Variants in REDIC1 observed in about 807,000 individuals in gnomAD.
REDIC1 encodes regulator of DNA class I crossover intermediates 1, also known as HEI10 Interacting Protein 1.
At chr12:39,683,043 A>G in the REDIC1 span, 2 of 1,613,412 alleles carry the variant, frequency 1.2e-6, no homozygotes, top group Non-Finnish European at 1.7e-6. Context: ...AATGTCAGCC[A>G]AACAAGAAGT....
At chr12:39,744,442 T>C in the REDIC1 span, among the ~76,000 whole-genome samples, 1 of 152,222 alleles carries the variant, frequency 6.6e-6, no homozygotes, top group Non-Finnish European at 1.5e-5. Context: ...TTATTCTTAA[T>C]TGATCTAACA....
chr12:39,724,740 C>A, the REDIC1 span, among the ~76,000 whole-genome samples: 1 of 151,902 alleles, frequency 6.6e-6, no homozygotes, highest in Non-Finnish European at 1.5e-5. Context: ...AATATGTGGG[C>A]AAAGTGGCAT....
chr12:39,901,008 T>A, the REDIC1 span, among the ~76,000 whole-genome samples: 5 of 152,144 alleles, frequency 3.3e-5, no homozygotes, highest in Middle Eastern at 0.01. Flanking sequence ...TCAATGGAAC[T>A]GAACAGAGCC....
the REDIC1 span, among the ~76,000 whole-genome samples, chr12:39,885,233 T>G: frequency 6.6e-6 from 1 of 152,112 alleles, no homozygotes; most frequent in African/African-American, 2.4e-5. Flanking sequence ...ACCCAAAGAT[T>G]GAGGAAAACA....
chr12:39,896,825 T>C, the REDIC1 span, among the ~76,000 whole-genome samples: 2 of 152,128 alleles, frequency 1.3e-5, no homozygotes, highest in Admixed American at 6.5e-5. Context: ...ATTCTGTCAA[T>C]AGTGTGACAA....
chr12:39,738,568 A>C, the REDIC1 span, among the ~76,000 whole-genome samples: 1 of 152,234 alleles, frequency 6.6e-6, no homozygotes, highest in Non-Finnish European at 1.5e-5. Context: ...CTCCTTCCAC[A>C]GAAGGTGGAG....
chr12:39,687,777 G>C, the REDIC1 span, among the ~76,000 whole-genome samples: 14 of 152,256 alleles, frequency 9.2e-5, 1 homozygote, highest in South Asian at 2.9e-3. Context: ...TATAAACACT[G>C]CTTATGTAAT....
the REDIC1 span, among the ~76,000 whole-genome samples, chr12:39,820,738 T>C: frequency 1.8e-4 from 1 of 5,522 alleles, no homozygotes; most frequent in Non-Finnish European, 3.0e-4. Flanking sequence ...TATATATATA[T>C]ATATATATAT....
chr12:39,678,458 CA>C, the REDIC1 span, among the ~76,000 whole-genome samples: 16 of 149,262 alleles, frequency 1.1e-4, no homozygotes, highest in East Asian at 5.9e-4. Context: ...AACTTGCCAA[CA>C]AAAAAAAAGT....
the REDIC1 span, among the ~76,000 whole-genome samples, chr12:39,697,484 G>A: frequency 6.6e-6 from 1 of 152,160 alleles, no homozygotes; most frequent in African/African-American, 2.4e-5. Flanking sequence ...GTAAATGTGT[G>A]TAAACTACTC....
At chr12:39,788,164 C>A in the REDIC1 span, among the ~76,000 whole-genome samples, 1 of 152,034 alleles carries the variant, frequency 6.6e-6, no homozygotes, top group Non-Finnish European at 1.5e-5. Context: ...GATCCTCATA[C>A]CTAGTACCAA....
the REDIC1 span, among the ~76,000 whole-genome samples, chr12:39,809,044 T>C: frequency 6.6e-6 from 1 of 152,184 alleles, no homozygotes; most frequent in African/African-American, 2.4e-5. Context: ...ATTTTAGCTT[T>C]TACTATTAGG....
the REDIC1 span, among the ~76,000 whole-genome samples, chr12:39,851,863 A>T: frequency 5.1e-4 from 77 of 152,342 alleles, no homozygotes; most frequent in East Asian, 9.6e-3. Flanking sequence ...ATTTTTAAAA[A>T]TGAGATTATT....
chr12:39,735,553 A>T, the REDIC1 span, among the ~76,000 whole-genome samples: 1 of 152,240 alleles, frequency 6.6e-6, no homozygotes, highest in Admixed American at 6.5e-5. Flanking sequence ...ACTTACTGGG[A>T]TCAAAAATAC....
the REDIC1 span, among the ~76,000 whole-genome samples, chr12:39,661,867 A>G: frequency 3.3e-5 from 5 of 152,146 alleles, no homozygotes; most frequent in South Asian, 6.2e-4. Flanking sequence ...TCTTCCACAT[A>G]TGGATTTCTA....
At chr12:39,700,344 TG>T in the REDIC1 span, among the ~76,000 whole-genome samples, 2 of 151,786 alleles carry the variant, frequency 1.3e-5, no homozygotes, top group African/African-American at 4.8e-5. Flanking sequence ...GTATCAGCGA[TG>T]GAAGATGAAA....
chr12:39,825,400 T>C, the REDIC1 span, among the ~76,000 whole-genome samples: 1 of 152,174 alleles, frequency 6.6e-6, no homozygotes. Flanking sequence ...AAAATGTGTG[T>C]CTTTCCACTA....
the REDIC1 span, chr12:39,758,809 A>C: frequency 6.6e-6 from 1 of 151,964 alleles, no homozygotes; most frequent in South Asian, 2.1e-4. Flanking sequence ...TTTTCTGGTA[A>C]ATTCTCAGGA....
At chr12:39,662,996 CT>C in the REDIC1 span, among the ~76,000 whole-genome samples, 1 of 151,858 alleles carries the variant, frequency 6.6e-6, no homozygotes, top group East Asian at 1.9e-4. Context: ...CATGTATTAT[CT>C]TTTTTTAAGT....
Sources: gnomAD v4.1 joint callset for allele counts (sites outside exome capture counted in the v4.1 genomes callset) on GRCh38, gnomAD v4.1.1 for gene constraint, MANE v1.5 for transcripts, NCBI Gene and HGNC (gene_info 2026-07-23, HGNC 2026-07-21) for gene names.